CDH4: variants seen among roughly 807,000 people sequenced by gnomAD.
CDH4 encodes cadherin 4, also known as cadherin-4.
Under a neutral mutation model 86.0 loss-of-function variants are expected in CDH4, and 33 were observed. That is an observed-to-expected ratio of 0.38 (90% CI 0.29 to 0.51). CDH4 has a LOEUF of 0.51. CDH4 is among the 20% of genes least tolerant of loss of function. The probability of loss-of-function intolerance (pLI) is 0.86; values close to 1 mark genes in which losing one functional copy is unlikely to be tolerated. For missense variants in CDH4, 1,114 were observed against 1,307.4 expected, an observed-to-expected ratio of 0.85 and a Z score of 2.28; for synonymous variants, 555 against 549.4, an observed-to-expected ratio of 1.01 and a Z score of -0.14.
intron 9 of CDH4, among the ~76,000 whole-genome samples, chr20:61,921,207 A>G (rs1463627533): frequency 2.1e-5 from 3 of 140,736 alleles, no homozygotes; most frequent in Non-Finnish European, 4.5e-5. Context: ...TCGTGATTGC[A>G]TGGAAGCACT....
At chr20:61,828,759 C>T (rs1179634310) in intron 4 of CDH4, among the ~76,000 whole-genome samples, 2 of 152,248 alleles carry the variant, frequency 1.3e-5, no homozygotes, top group Admixed American at 1.3e-4. Flanking sequence ...TGCTTCCTCA[C>T]TTATAAGCTA....
intron 2 of CDH4, among the ~76,000 whole-genome samples, chr20:61,443,138 G>A (rs1301551950): frequency 6.6e-6 from 1 of 152,224 alleles, no homozygotes; most frequent in Non-Finnish European, 1.5e-5. Context: ...GAGACACCCT[G>A]CCCCACCTAG....
chr20:61,851,272 T>A (rs1054757869), intron 5 of CDH4, among the ~76,000 whole-genome samples: 4 of 152,206 alleles, frequency 2.6e-5, no homozygotes, highest in Non-Finnish European at 5.9e-5. Context: ...AGATTGCCTC[T>A]TTGGGTAAAG....
Position 61,934,006 on chromosome 20 carries a change from G to A in CDH4, c.2380-50G>A, listed in dbSNP as rs373911509. On this transcript the variant is annotated intron_variant, in intron 14 of 15. Transcript: ENST00000614565. The stretch of plus-strand genomic sequence containing the variant: ...GAAAAGGATGCAGGGTGGAAGGGGG[G>A]CTGGCGGATTCTTCTGATGCCCCTG... 5.6e-5 allele frequency: 90 copies of A among 1,597,710 alleles called. No homozygotes were observed. In the African/African-American group the frequency reaches 7.8e-4, roughly 14 times the overall value.
chr20:61,731,618 C>T (rs917696992), intron 2 of CDH4, among the ~76,000 whole-genome samples: 6 of 152,218 alleles, frequency 3.9e-5, no homozygotes, highest in Admixed American at 2.0e-4. Flanking sequence ...ATCGGAAAAG[C>T]GCCGTTTCCA....
At chr20:61,323,386 C>T (rs552680265) in intron 2 of CDH4, among the ~76,000 whole-genome samples, 3 of 152,336 alleles carry the variant, frequency 2.0e-5, no homozygotes, top group Non-Finnish European at 2.9e-5. Flanking sequence ...GTGAGTGCTT[C>T]ACCTCCACCA....
chr20:61,808,821 C>T (rs1437512470), intron 4 of CDH4, among the ~76,000 whole-genome samples: 6 of 147,142 alleles, frequency 4.1e-5, no homozygotes, highest in Non-Finnish European at 7.5e-5. Context: ...TCCAAGAATA[C>T]TCTTGATACC....
chr20:61,640,896 G>C (rs2087000375), intron 2 of CDH4, among the ~76,000 whole-genome samples: 1 of 152,244 alleles, frequency 6.6e-6, no homozygotes, highest in Admixed American at 6.5e-5. Context: ...AATACTGCGA[G>C]TTCCAGCTCT....
chr20:61,733,671 GAGAA>G (rs1316531856), intron 2 of CDH4, among the ~76,000 whole-genome samples: 1 of 151,768 alleles, frequency 6.6e-6, no homozygotes, highest in Non-Finnish European at 1.5e-5. Context: ...GAAGGACACA[GAGAA>G]AGAGAGAAAG....
chr20:61,484,755 G>A (rs1194352007), intron 2 of CDH4, among the ~76,000 whole-genome samples: 2 of 150,634 alleles, frequency 1.3e-5, no homozygotes, highest in African/African-American at 5.0e-5. Flanking sequence ...TGAACACAGA[G>A]GGGGCTCAGG....
intron 2 of CDH4, among the ~76,000 whole-genome samples, chr20:61,463,322 A>G (rs937110065): frequency 1.3e-5 from 2 of 152,232 alleles, no homozygotes; most frequent in Non-Finnish European, 2.9e-5. Context: ...CCCCAAAGTA[A>G]CAGCAACAAA....
chr20:61,926,443 C>G (rs915440541), intron 11 of CDH4, among the ~76,000 whole-genome samples: 1 of 152,228 alleles, frequency 6.6e-6, no homozygotes, highest in Non-Finnish European at 1.5e-5. Flanking sequence ...CCTCCCCTGC[C>G]AGGGTCCACA....
chr20:61,387,002 C>A (rs1023227518), intron 2 of CDH4, among the ~76,000 whole-genome samples: 1 of 152,240 alleles, frequency 6.6e-6, no homozygotes, highest in Non-Finnish European at 1.5e-5. Context: ...CAATTTTCCA[C>A]GTCTCTGAGA....
chr20:61,539,495 A>G (rs2086023324), intron 2 of CDH4, among the ~76,000 whole-genome samples: 1 of 151,548 alleles, frequency 6.6e-6, no homozygotes, highest in South Asian at 2.1e-4. Flanking sequence ...CTGTGTCCTC[A>G]CCTCCTCCTC....
intron 2 of CDH4, among the ~76,000 whole-genome samples, chr20:61,687,096 C>G (rs561068688): frequency 6.6e-6 from 1 of 152,194 alleles, no homozygotes; most frequent in Non-Finnish European, 1.5e-5. Context: ...GCGACCTCCC[C>G]GCACGCCCTG....
At chr20:61,308,039 C>T (rs1171248480) in intron 2 of CDH4, among the ~76,000 whole-genome samples, 1 of 152,196 alleles carries the variant, frequency 6.6e-6, no homozygotes. Flanking sequence ...TGAAACACGG[C>T]TCTCCCTGTG....
intron 2 of CDH4, among the ~76,000 whole-genome samples, chr20:61,416,916 GA>G (rs777257154): frequency 1.3e-5 from 2 of 152,126 alleles, no homozygotes; most frequent in Non-Finnish European, 2.9e-5. Context: ...TGCCTTTGGG[GA>G]GAAGTGGATA....
intron 2 of CDH4, among the ~76,000 whole-genome samples, chr20:61,442,632 C>T (rs1465195198): frequency 6.6e-6 from 1 of 152,206 alleles, no homozygotes; most frequent in Non-Finnish European, 1.5e-5. Flanking sequence ...AAAGGCAAAA[C>T]GTGGGGTGCT....
intron 7 of CDH4, among the ~76,000 whole-genome samples, chr20:61,891,650 C>T (rs1236616349): frequency 6.6e-6 from 1 of 152,214 alleles, no homozygotes; most frequent in Admixed American, 6.5e-5. Flanking sequence ...GAGCCAGCGC[C>T]CCACTGCACT....
Sources: gnomAD v4.1 joint callset for allele counts (sites outside exome capture counted in the v4.1 genomes callset) on GRCh38, gnomAD v4.1.1 for gene constraint, MANE v1.5 for transcripts, NCBI Gene and HGNC (gene_info 2026-07-23, HGNC 2026-07-21) for gene names.